Variants in CACNA1C observed in about 807,000 individuals in gnomAD.
CACNA1C encodes calcium voltage-gated channel subunit alpha1 C.
A neutral mutation model predicts 229.0 loss-of-function variants in CACNA1C; 30 were observed. The observed-to-expected ratio is 0.13, with a 90% CI of 0.10 to 0.18. CACNA1C has a LOEUF of 0.18. Ranked by LOEUF, CACNA1C falls within the 10% of genes least tolerant of loss-of-function variation. The pLI is 1.00. For missense variants in CACNA1C, 1,658 were observed against 2,845.0 expected (o/e 0.58, Z 9.49); for synonymous variants, 1,114 against 1,132.5 (o/e 0.98, Z 0.33).
chr12:2,283,281 CA>C (rs1471351576), intron 3 of CACNA1C, among the ~76,000 whole-genome samples: 11 of 152,336 alleles, frequency 7.2e-5, no homozygotes, highest in African/African-American at 2.6e-4. Context: ...TAACTAGCTA[CA>C]ACTGGCTGCA....
At chr12:2,446,152 G>A (rs546552539) in intron 3 of CACNA1C, among the ~76,000 whole-genome samples, 2 of 151,532 alleles carry the variant, frequency 1.3e-5, no homozygotes, top group African/African-American at 4.9e-5. Flanking sequence ...TAAATGTATA[G>A]GTAGGTAGGT....
chr12:2,605,571 A>G lies in CACNA1C; in HGVS notation c.3049-108A>G. 1 of 781,684 alleles carries G rather than the reference A, an allele frequency of 1.3e-6. No homozygotes were observed. The highest frequency in any genetic ancestry group is 2.2e-6 in the Non-Finnish European group (1 of 444,686). 48.4% of individuals were successfully genotyped at this position (781,684 alleles called of 1,614,324 possible). ...TTGGGAGCGTGGCTTTGCCCCTCTC[A>G]GCCCAATTACTCCCCGTTGTGGCAA... On this transcript the variant is annotated intron_variant, in intron 23 of 46. Transcript: ENST00000399655. The surrounding 1 kb of genome is among the most constrained non-coding windows in gnomAD (Gnocchi z 6.2).
In CACNA1C at chr12:2,319,592, T is replaced by G. The variant is rs2095870999; in HGVS notation, c.478-129384T>G. ...GGTGAGCCTGAGATAAGGGTGTAGC[T>G]CTGCTCATTTCTGGAGGTCTCCACA... On this transcript the variant is annotated intron_variant, in intron 3 of 46. Transcript: ENST00000399655. This position sits in a 1 kb window ranked among gnomAD's most constrained non-coding sequence, Gnocchi z 4.0. Among the ~76,000 whole-genome samples the G allele has an allele frequency of 6.6e-6, 1 of 152,146 alleles. No homozygotes were observed. The highest frequency in any genetic ancestry group is 1.5e-5 in the Non-Finnish European group (1 of 68,026).
intron 5 of CACNA1C, among the ~76,000 whole-genome samples, chr12:2,476,225 T>A (rs2099627480): frequency 6.6e-6 from 1 of 152,234 alleles, no homozygotes; most frequent in Non-Finnish European, 1.5e-5. Context: ...AGGCCCCATC[T>A]GGACCAGAGG....
intron 1 of CACNA1C, among the ~76,000 whole-genome samples, chr12:2,071,634 A>G (rs1271699927): frequency 6.6e-6 from 1 of 151,938 alleles, no homozygotes; most frequent in African/African-American, 2.4e-5. Context: ...TTTCTTTTAA[A>G]TGTTCTTTCA....
At chr12:2,517,946 G>A (rs2154580268) in intron 9 of CACNA1C, among the ~76,000 whole-genome samples, 1 of 152,288 alleles carries the variant, frequency 6.6e-6, no homozygotes, top group Middle Eastern at 3.4e-3. Context: ...ATGCACCCTG[G>A]CTCTCTAAAG....
rs1034611329 is a variant in CACNA1C, at chr12:2,666,607, C to T, written c.4527-79C>T. Reference sequence around the variant, plus strand: ...TTGCCCATATGAGTGGGCCCTACCCCTCAGGCGCATGCGTCCTGGGCTGCT... The same window carrying T: ...TTGCCCATATGAGTGGGCCCTACCCTTCAGGCGCATGCGTCCTGGGCTGCT... On this transcript the variant is annotated intron_variant, in intron 36 of 46. Coordinates refer to ENST00000399655, the MANE Select transcript of CACNA1C (RefSeq NM_000719.7). This position sits in a 1 kb window ranked among gnomAD's most constrained non-coding sequence, Gnocchi z 5.3. 2.3e-6 allele frequency: 2 copies of T among 854,472 alleles called. No individual in the cohort carries two copies. The highest frequency in any genetic ancestry group is 3.0e-5 in the South Asian group (2 of 65,680). The allele number at this position is 854,472 out of a possible 1,614,324, so 52.9% of individuals were successfully genotyped here.
chr12:2,331,920 C>T (rs2096560948), intron 3 of CACNA1C, among the ~76,000 whole-genome samples: 1 of 152,134 alleles, frequency 6.6e-6, no homozygotes, highest in Non-Finnish European at 1.5e-5. Context: ...AGAAATATGA[C>T]AATTAAGTGT....
intron 1 of CACNA1C, among the ~76,000 whole-genome samples, chr12:2,063,314 G>A (rs755226978): frequency 3.0e-4 from 45 of 152,030 alleles, no homozygotes; most frequent in Non-Finnish European, 4.7e-4. Flanking sequence ...ACCATGCCTG[G>A]CTTATTTTTG....
chr12:2,190,454 A>AT lies in CACNA1C; in HGVS notation c.477+70030dup, dbSNP rs752612263. On this transcript the variant is annotated intron_variant, in intron 3 of 46. Transcript: ENST00000399655. The stretch of plus-strand genomic sequence containing the variant: ...TGTTTTTTGTTGTTTGTTTGTTTTA[A>AT]TTTTTTCAGGGTATCGTAGACGTGT... Among the ~76,000 whole-genome samples, 81 of 151,964 alleles carry AT rather than the reference A, an allele frequency of 5.3e-4. 1 individual carries two copies. The highest frequency in any genetic ancestry group is 3.4e-3 in the Middle Eastern group (1 of 294).
chr12:2,117,943 A>T (rs1158057822), intron 2 of CACNA1C, among the ~76,000 whole-genome samples: 2 of 152,236 alleles, frequency 1.3e-5, no homozygotes, highest in African/African-American at 2.4e-5. Flanking sequence ...TTCTTCTTGA[A>T]GAAGTGGAAT....
intron 3 of CACNA1C, among the ~76,000 whole-genome samples, chr12:2,266,312 G>A (rs557571374): frequency 6.6e-6 from 1 of 152,328 alleles, no homozygotes; most frequent in East Asian, 1.9e-4. Context: ...AGCTCCTAGT[G>A]GGATGCACCA....
chr12:2,608,428 A>C lies in CACNA1C; in HGVS notation c.3357-83A>C. On this transcript the variant is annotated intron_variant, in intron 26 of 46. Transcript: ENST00000399655. This position sits in a 1 kb window ranked among gnomAD's most constrained non-coding sequence, Gnocchi z 4.2. ...TGTCTCCTGCACCCTGATCCCTGGGATCCCTGGAGCAGTGGTGCCGTCCTT... is the reference window on the plus strand; with the variant it reads ...TGTCTCCTGCACCCTGATCCCTGGGCTCCCTGGAGCAGTGGTGCCGTCCTT... The C allele has an allele frequency of 9.7e-7, 1 of 1,030,858 alleles. No homozygotes were observed. The highest frequency in any genetic ancestry group is 2.6e-5 in the East Asian group (1 of 38,316). The allele number at this position is 1,030,858 out of a possible 1,614,324, so 63.9% of individuals were successfully genotyped here.
At chr12:2,153,410 A>G (rs1288840475) in intron 3 of CACNA1C, among the ~76,000 whole-genome samples, 1 of 152,150 alleles carries the variant, frequency 6.6e-6, no homozygotes, top group Non-Finnish European at 1.5e-5. Context: ...ACAACCATCC[A>G]TCTCCAGGAC....
intron 3 of CACNA1C, among the ~76,000 whole-genome samples, chr12:2,429,060 C>T (rs558941155): frequency 2.4e-4 from 36 of 152,090 alleles, no homozygotes; most frequent in African/African-American, 8.2e-4. Flanking sequence ...CCTTTCTTTT[C>T]GCTTTTGGTG....
rs2096985137 is a variant in CACNA1C at position 2,679,161 on chromosome 12, G to A, written c.5092-283G>A. Among the ~76,000 whole-genome samples, 2 of 152,172 alleles carry A rather than the reference G, an allele frequency of 1.3e-5. No individual in the cohort carries two copies. The highest frequency in any genetic ancestry group is 1.9e-4 in the East Asian group (1 of 5,194). ...AACCTCCAGGGCAGCTCGTACCAGC[G>A]GCAGCCCCTTGCCCAATCCCATCCC... On this transcript the variant is annotated intron_variant, in intron 41 of 46. Coordinates refer to ENST00000399655, the MANE Select transcript of CACNA1C (RefSeq NM_000719.7). The surrounding 1 kb of genome is among the most constrained non-coding windows in gnomAD (Gnocchi z 5.5).
intron 1 of CACNA1C, among the ~76,000 whole-genome samples, chr12:2,109,177 G>C (rs930426850): frequency 6.6e-6 from 1 of 152,202 alleles, no homozygotes; most frequent in Non-Finnish European, 1.5e-5. Context: ...GGTGACTGCT[G>C]CTGAAGCAGG....
chr12:2,568,882 T>C (rs1241764093), intron 13 of CACNA1C, among the ~76,000 whole-genome samples: 1 of 152,070 alleles, frequency 6.6e-6, no homozygotes, highest in Non-Finnish European at 1.5e-5. Context: ...AAAAAAAGGT[T>C]AAGATGGTAA....
intron 3 of CACNA1C, among the ~76,000 whole-genome samples, chr12:2,211,380 G>C (rs532772659): frequency 3.9e-5 from 6 of 152,356 alleles, no homozygotes; most frequent in Admixed American, 3.3e-4. Flanking sequence ...GGAGAGGTCT[G>C]GGGTGTCTCA....
Sources: gnomAD v4.1 joint callset for allele counts (sites outside exome capture counted in the v4.1 genomes callset) on GRCh38, gnomAD v4.1.1 for gene constraint, Gnocchi (gnomAD v3.1) non-coding constraint, MANE v1.5 for transcripts, NCBI Gene and HGNC (gene_info 2026-07-23, HGNC 2026-07-21) for gene names.